The following TFB2M variants were observed in gnomAD, a reference collection of about 807,000 sequenced individuals.
TFB2M encodes the protein dimethyladenosine transferase 2, mitochondrial.
In TFB2M, 44 loss-of-function variants were observed where a neutral mutation model predicts 41.3. The ratio of observed to expected loss-of-function variants is 1.07; its 90% CI spans 0.84 to 1.37. The LOEUF is 1.37. Ranked by LOEUF, TFB2M falls within the 40% of genes most tolerant of loss-of-function variation. The pLI is 0.00. For missense variants in TFB2M, 496 were observed against 490.2 expected (o/e 1.01, Z -0.11); for synonymous variants, 188 against 176.8 (o/e 1.06, Z -0.50).
At chr1:246,556,746 T>C (rs1659333606) in intron 3 of TFB2M, 25 bp from the exon 4 acceptor site, 1 of 1,531,076 alleles carries the variant, frequency 6.5e-7, no homozygotes, top group African/African-American at 1.4e-5. Context: ...AGCAAAAAGA[T>C]TTGAATAAAG....
At chr1:246,551,169 T>G in intron 5 of TFB2M, 44 bp downstream of exon 5, 1 of 1,485,630 alleles carries the variant, frequency 6.7e-7, no homozygotes, top group South Asian at 1.1e-5. Flanking sequence ...AATGAGACCC[T>G]GTCGCTAAAG....
chr1:246,556,946 T>C (rs1301560215), intron 3 of TFB2M, among the ~76,000 whole-genome samples: 1 of 152,104 alleles, frequency 6.6e-6, no homozygotes, highest in African/African-American at 2.4e-5. Flanking sequence ...AGTCAGAGCA[T>C]CTGCTCATAA....
At position 246,541,315 on chromosome 1, in the gene TFB2M, G is replaced by A. The variant is rs539205527; in HGVS notation, c.1020-113C>T. 1.2e-5 allele frequency: 12 copies of A among 1,009,122 alleles called. No homozygotes were observed. In the South Asian group the frequency reaches 1.6e-4, roughly 14 times the overall value. The allele number at this position is 1,009,122 out of a possible 1,614,324, so 62.5% of individuals were successfully genotyped here. ...TCAAAATGTCTAACTTAGGCATACA[G>A]AGTGCTATAATGGACACGGGAGAAT... On this transcript the variant is annotated intron_variant, in intron 7 of 7. Coordinates refer to ENST00000366514, the MANE Select transcript of TFB2M (RefSeq NM_022366.3).
rs764498048 is a variant in TFB2M, at chr1:246,546,983, A to ACACTTTTT, written c.858+1561_858+1562insAAAAAGTG. Among the ~76,000 whole-genome samples, 2 of 127,180 alleles carry ACACTTTTT rather than the reference A, an allele frequency of 1.6e-5. 1 individual carries two copies. The allele number at this position is 127,180 out of a possible 152,430, so 83.4% of individuals were successfully genotyped here. A position where few individuals can be genotyped will look rare whatever the true frequency, so the allele number is the denominator to read the frequency against. ...TGTATATATACACACACACACACACATTTTTTTTTTTTTTTTTTGAGACAA... is the reference window on the plus strand; with the variant it reads ...TGTATATATACACACACACACACACACACTTTTTTTTTTTTTTTTTTTTTTTGAGACAA... On this transcript the variant is annotated intron_variant, in intron 6 of 7. Coordinates refer to ENST00000366514, the MANE Select transcript of TFB2M (RefSeq NM_022366.3).
intron 7 of TFB2M, among the ~76,000 whole-genome samples, chr1:246,543,336 T>C (rs1408617949): frequency 6.6e-6 from 1 of 152,184 alleles, no homozygotes; most frequent in East Asian, 1.9e-4. Context: ...ATGCACAACT[T>C]ACAGGGACGT....
Position 246,565,872 on chromosome 1 carries a change from CA to C in TFB2M, c.266del (p.Leu89TrpfsTer21), listed in dbSNP as rs1232180573. 6.2e-7 allele frequency: 1 copy of C among 1,609,410 alleles called. No individual in the cohort carries two copies. The highest frequency in any genetic ancestry group is 1.7e-5 in the Admixed American group (1 of 59,946). On this transcript the variant is annotated frameshift_variant, in exon 1 of 8. Coordinates refer to ENST00000366514, the MANE Select transcript of TFB2M (RefSeq NM_022366.3). LOFTEE classifies it high-confidence loss of function. ...RLAETLAQIY[L>X]GKPSRPPHLL... ...GGTGTGGAGGTCTACTTGGTTTTCCCAAATAGATTTGCGCCAGGGTCTCAGC... is the reference window on the plus strand; with the variant it reads ...GGTGTGGAGGTCTACTTGGTTTTCCCAATAGATTTGCGCCAGGGTCTCAGC...
In TFB2M at chr1:246,566,191, G is replaced by C; in HGVS notation, c.-53C>G. The stretch of plus-strand genomic sequence containing the variant: ...AATCACCTAGTGCAGCTACTACAGT[G>C]AACCCCACGCAGGGTATCCCACGTG... On this transcript the variant is annotated 5_prime_UTR_variant, in exon 1 of 8. An upstream open reading frame in the 5' UTR gains an earlier in-frame stop. Transcript: ENST00000366514. 2 of 1,551,140 alleles carry C rather than the reference G, an allele frequency of 1.3e-6. No homozygotes were observed. Among genetic ancestry groups the C allele is most frequent in the Non-Finnish European group, 1.8e-6 (2 of 1,140,416 alleles).
chr1:246,564,381 G>A lies in TFB2M; in HGVS notation c.367C>T (p.Leu123Phe), dbSNP rs748428574. The stretch of plus-strand genomic sequence containing the variant: ...GGAATAAAAGTTTTGTCACTTTCGA[G>A]CGCAACCACTTTGGCACCAGCTTCA... The part of the protein sequence containing the change: ...LLEAGAKVVA[L>F]ESDKTFIPHL... The change falls in exon 2 of 8, where the codon CTC (leucine) becomes TTC (phenylalanine). Residue 123 changes from leucine (L) to phenylalanine (F), a missense_variant. Transcript: ENST00000366514. 1 of 1,614,158 alleles carries A rather than the reference G, an allele frequency of 6.2e-7. No individual in the cohort carries two copies. The highest frequency in any genetic ancestry group is 8.5e-7 in the Non-Finnish European group (1 of 1,180,026).
intron 4 of TFB2M, among the ~76,000 whole-genome samples, chr1:246,555,710 G>C (rs1371642323): frequency 6.6e-6 from 1 of 152,176 alleles, no homozygotes; most frequent in Non-Finnish European, 1.5e-5. Context: ...CATGTTCATT[G>C]CAGCATTATT....
chr1:246,551,865 C>A (rs921152433), intron 4 of TFB2M, among the ~76,000 whole-genome samples: 3 of 152,230 alleles, frequency 2.0e-5, no homozygotes, highest in African/African-American at 7.2e-5. Flanking sequence ...ACTTCCTATT[C>A]TTCTCCTTGT....
intron 4 of TFB2M, among the ~76,000 whole-genome samples, chr1:246,551,581 G>T (rs1422789690): frequency 6.6e-6 from 1 of 151,732 alleles, no homozygotes; most frequent in Admixed American, 6.6e-5. Context: ...CAACGGCAGG[G>T]CACGCGGGGT....
At position 246,564,365 on chromosome 1, in the gene TFB2M, G is replaced by A. The variant is rs370938561; in HGVS notation, c.383C>T (p.Thr128Ile). The change falls in exon 2 of 8, where the codon ACT (threonine) becomes ATT (isoleucine). Residue 128 changes from threonine to isoleucine, a missense_variant. By Grantham distance (89) the Thr-to-Ile change is moderately conservative (BLOSUM62 -1). Coordinates refer to ENST00000366514, the MANE Select transcript of TFB2M (RefSeq NM_022366.3). ...AKVVALESDK[T>I]FIPHLESLGK... ...ATATACCTCCAAATGTGGAATAAAAGTTTTGTCACTTTCGAGCGCAACCAC... is the reference window on the plus strand; with the variant it reads ...ATATACCTCCAAATGTGGAATAAAAATTTTGTCACTTTCGAGCGCAACCAC... The A allele has an allele frequency of 6.2e-6, 10 of 1,613,952 alleles. No homozygotes were observed. Among genetic ancestry groups the A allele is most frequent in the African/African-American group, 2.7e-5 (2 of 74,910 alleles).
chr1:246,557,696 CAG>C (rs1372834609), intron 2 of TFB2M, among the ~76,000 whole-genome samples, 162 bp from the exon 3 acceptor site: 1 of 152,138 alleles, frequency 6.6e-6, no homozygotes, highest in Non-Finnish European at 1.5e-5. Flanking sequence ...TTTTGAGAGA[CAG>C]AGTCTCGCTC....
intron 6 of TFB2M, among the ~76,000 whole-genome samples, chr1:246,545,056 C>G (rs12091933): frequency 7.3e-6 from 1 of 136,398 alleles, no homozygotes; most frequent in Non-Finnish European, 1.6e-5. Context: ...CCGCCCGCCT[C>G]GGCCTCCCCA....
chr1:246,559,912 G>A lies in TFB2M; in HGVS notation c.403-2378C>T, dbSNP rs537535396. Among the ~76,000 whole-genome samples the A allele has an allele frequency of 2.0e-5, 3 of 152,312 alleles. 1 individual carries two copies. The highest frequency in any genetic ancestry group is 7.2e-5 in the African/African-American group (3 of 41,558). On this transcript the variant is annotated intron_variant, in intron 2 of 7. Coordinates refer to ENST00000366514, the MANE Select transcript of TFB2M (RefSeq NM_022366.3). The stretch of plus-strand genomic sequence containing the variant: ...ACAACTAAGGAGGAAAACCAGAAGA[G>A]TGTGGTGTCATGGAAGCTAAAAGAA...
chr1:246,559,847 G>A (rs1659412202), intron 2 of TFB2M, among the ~76,000 whole-genome samples: 1 of 152,198 alleles, frequency 6.6e-6, no homozygotes, highest in South Asian at 2.1e-4. Flanking sequence ...AGCCCTGAAG[G>A]TAGAGTATGT....
At chr1:246,557,969 GA>G (rs1659367783) in intron 2 of TFB2M, among the ~76,000 whole-genome samples, 1 of 151,430 alleles carries the variant, frequency 6.6e-6, no homozygotes, top group Non-Finnish European at 1.5e-5. Context: ...ACGCCCGGCT[GA>G]ATTACCTTTT....
intron 5 of TFB2M, among the ~76,000 whole-genome samples, chr1:246,550,008 A>G (rs1029830104): frequency 6.6e-6 from 1 of 152,238 alleles, no homozygotes; most frequent in Non-Finnish European, 1.5e-5. Flanking sequence ...GTAGACACAC[A>G]GTGGAGCAAG....
At chr1:246,559,334 AG>A (rs1376299533) in intron 2 of TFB2M, among the ~76,000 whole-genome samples, 1 of 152,152 alleles carries the variant, frequency 6.6e-6, no homozygotes, top group Non-Finnish European at 1.5e-5. Context: ...GGATCACACA[AG>A]GTCAGGAGTT....
Sources: allele counts gnomAD v4.1 joint callset (sites outside exome capture counted in the v4.1 genomes callset), GRCh38; gene constraint gnomAD v4.1.1; transcripts MANE v1.5; gene names NCBI Gene and HGNC (gene_info 2026-07-23, HGNC 2026-07-21).